The following CCDC144A variants were observed in gnomAD, a reference collection of about 807,000 sequenced individuals.
CCDC144A encodes coiled-coil domain-containing protein 144A.
Under a neutral mutation model 143.8 loss-of-function variants are expected in CCDC144A, and 41 were observed. The observed-to-expected ratio is 0.29, with a 90% CI of 0.22 to 0.37. The LOEUF (loss-of-function observed/expected upper bound fraction) is 0.37, where lower values mean the gene tolerates loss of function less well. Ranked by LOEUF, CCDC144A falls within the 10% of genes least tolerant of loss-of-function variation. CCDC144A has a pLI of 1.00. For synonymous variants in CCDC144A, 242 were observed against 517.9 expected (o/e 0.47, Z 7.23); for missense variants, 637 against 1,488.8 (o/e 0.43, Z 9.41).
intron 12 of CCDC144A, among the ~76,000 whole-genome samples, chr17:16,752,526 G>A (rs1162676933): frequency 6.8e-6 from 1 of 147,768 alleles, no homozygotes; most frequent in Non-Finnish European, 1.5e-5. Context: ...TGAGCAGTGT[G>A]CTTGAATCCG....
At chr17:16,666,916 G>C in the CCDC144A span, 1 of 152,548 alleles carries the variant, frequency 6.6e-6, no homozygotes, top group Non-Finnish European at 1.5e-5. Flanking sequence ...CGATGCCCCC[G>C]CCCGGGACTC....
At position 16,697,894 on chromosome 17, in the gene CCDC144A, G is replaced by A. The variant is rs1029337700; in HGVS notation, c.415+4845G>A. 3.9e-5 allele frequency among the ~76,000 whole-genome samples: 6 copies of A among 152,184 alleles called. No homozygotes were observed. In the East Asian group the frequency reaches 5.8e-4, roughly 15 times the overall value. On this transcript the variant is annotated intron_variant, in intron 2 of 16. Coordinates refer to ENST00000399273, the MANE Select transcript of CCDC144A (RefSeq NM_001382000.1). ...AATCTCAGATGATTCTCAGGTTTCT[G>A]GCTTGTGCCCTAGCATTTAACCGGG... is the stretch of plus-strand genomic sequence containing the variant.
intron 12 of CCDC144A, among the ~76,000 whole-genome samples, chr17:16,744,680 C>G (rs1914411198): frequency 6.6e-6 from 1 of 151,196 alleles, no homozygotes; most frequent in East Asian, 1.9e-4. Flanking sequence ...TGAATGGTTC[C>G]TTTTCCTATG....
chr17:16,756,923 C>T (rs1386735809), intron 12 of CCDC144A, among the ~76,000 whole-genome samples: 13 of 152,214 alleles, frequency 8.5e-5, no homozygotes, highest in Non-Finnish European at 1.2e-4. Flanking sequence ...CAGTGGCTTA[C>T]GGTGTGGTTG....
At chr17:16,715,929 T>C (rs1191810147) in intron 6 of CCDC144A, among the ~76,000 whole-genome samples, 1 of 152,212 alleles carries the variant, frequency 6.6e-6, no homozygotes, top group African/African-American at 2.4e-5. Flanking sequence ...CACGTTGATA[T>C]TGGTTGGTGA....
intron 6 of CCDC144A, among the ~76,000 whole-genome samples, chr17:16,716,939 G>A (rs1912794463): frequency 6.8e-6 from 1 of 148,036 alleles, no homozygotes; most frequent in South Asian, 2.2e-4. Flanking sequence ...TCAGCCTCCC[G>A]AGTAGCTGGG....
chr17:16,709,973 G>A (rs941516230), intron 5 of CCDC144A: 17 of 267,742 alleles, frequency 6.3e-5, no homozygotes, highest in East Asian at 2.1e-4. Flanking sequence ...TCCTTTTACC[G>A]ACTTAAAGAT....
At chr17:16,676,389 T>C in the CCDC144A span, among the ~76,000 whole-genome samples, 4 of 151,568 alleles carry the variant, frequency 2.6e-5, no homozygotes, top group Non-Finnish European at 5.9e-5. Context: ...CAGGCGCCTG[T>C]AGTCCCAGCT....
intron 15 of CCDC144A, among the ~76,000 whole-genome samples, chr17:16,767,984 A>G (rs1389246989): frequency 6.6e-6 from 1 of 152,284 alleles, no homozygotes; most frequent in Non-Finnish European, 1.5e-5. Flanking sequence ...CGGGGTTACA[A>G]GGAAGGCCTG....
chr17:16,703,539 T>C (rs1911850713), intron 2 of CCDC144A, among the ~76,000 whole-genome samples: 1 of 152,188 alleles, frequency 6.6e-6, no homozygotes, highest in Non-Finnish European at 1.5e-5. Flanking sequence ...GCGTGGTGGC[T>C]AACGCCTGTA....
At chr17:16,746,109 C>G (rs1292808685) in intron 12 of CCDC144A, 16 of 1,596,926 alleles carry the variant, frequency 1.0e-5, no homozygotes, top group Non-Finnish European at 1.4e-5. Flanking sequence ...TACGACTGCA[C>G]CGGGAGCACA....
chr17:16,728,996 G>A (rs904915593), intron 9 of CCDC144A, among the ~76,000 whole-genome samples: 10 of 152,134 alleles, frequency 6.6e-5, no homozygotes, highest in African/African-American at 1.7e-4. Flanking sequence ...TTGGTTGATG[G>A]ACCCTTAGGT....
chr17:16,713,192 T>C (rs550332699), intron 6 of CCDC144A, among the ~76,000 whole-genome samples: 1 of 152,146 alleles, frequency 6.6e-6, no homozygotes, highest in South Asian at 2.1e-4. Context: ...CCTTGTGAAT[T>C]ATAAAGGGCA....
Position 16,708,991 on chromosome 17 carries a change from C to T in CCDC144A, c.934C>T (p.Pro312Ser). 6.2e-7 allele frequency: 1 copy of T among 1,611,584 alleles called. No individual in the cohort carries two copies. The highest frequency in any genetic ancestry group is 1.7e-5 in the Admixed American group (1 of 60,002). ...FGEIYEKYKI[P>S]ACPEEEPLLD... ...TGAAATTTATGAAAAATACAAAATT[C>T]CGGCTTGTCCTGAGGAAGAGCCACT... Residue 312 changes from proline (P) to serine (S), a missense_variant, in exon 5 of 17, where the codon CCG (proline) becomes TCG (serine). Transcript: ENST00000399273.
the CCDC144A span, among the ~76,000 whole-genome samples, chr17:16,678,385 A>G: frequency 3.3e-3 from 509 of 152,172 alleles, 3 homozygotes; most frequent in African/African-American, 0.012. Context: ...AGCTTAAAAC[A>G]ATAGCCAAGG....
chr17:16,698,244 A>T lies in CCDC144A; in HGVS notation c.415+5195A>T, dbSNP rs562096403. ...AAAGAAGCCTGAGCCGTGGCTAAAGAAAAAGAGGAGAGGAATCATAAAGTC... is the reference window on the plus strand; with the variant it reads ...AAAGAAGCCTGAGCCGTGGCTAAAGTAAAAGAGGAGAGGAATCATAAAGTC... On this transcript the variant is annotated intron_variant, in intron 2 of 16. Transcript: ENST00000399273. 2.0e-5 allele frequency among the ~76,000 whole-genome samples: 3 copies of T among 152,374 alleles called. No individual in the cohort carries two copies. The South Asian group carries it at 6.2e-4, about 32-fold the overall frequency.
the CCDC144A span, among the ~76,000 whole-genome samples, chr17:16,667,338 C>CGGCTGAGGAGCTGAGG: frequency 8.2e-6 from 1 of 121,816 alleles, no homozygotes; most frequent in South Asian, 2.6e-4. Flanking sequence ...GAGGCTGAGG[C>CGGCTGAGGAGCTGAGG]GGCTGAGGAG....
chr17:16,766,653 T>G (rs1159698087), intron 15 of CCDC144A, among the ~76,000 whole-genome samples: 1 of 152,134 alleles, frequency 6.6e-6, no homozygotes, highest in East Asian at 1.9e-4. Context: ...GGCAGGAGAA[T>G]TGCTTGAACC....
chr17:16,755,950 C>A (rs1915063996), intron 12 of CCDC144A, among the ~76,000 whole-genome samples: 1 of 152,144 alleles, frequency 6.6e-6, no homozygotes, highest in Non-Finnish European at 1.5e-5. Context: ...TATATCATGT[C>A]ATTCTCTCCT....
Sources: allele counts gnomAD v4.1 joint callset (sites outside exome capture counted in the v4.1 genomes callset), GRCh38; gene constraint gnomAD v4.1.1; transcripts MANE v1.5; gene names NCBI Gene and HGNC (gene_info 2026-07-23, HGNC 2026-07-21).